PARD3: variants seen among roughly 807,000 people sequenced by gnomAD.
PARD3 encodes par-3 family cell polarity regulator.
PARD3 carries 75 observed loss-of-function variants against 155.4 expected under a neutral mutation model. The observed-to-expected ratio is 0.48, with a 90% CI of 0.40 to 0.58. The LOEUF is 0.58. Among genes scored for constraint, PARD3 ranks in the 20% least tolerant of loss-of-function variants. PARD3 has a pLI of 0.00. For missense variants in PARD3, 1,642 were observed against 1,721.7 expected (o/e 0.95, Z 0.82); for synonymous variants, 576 against 610.5 (o/e 0.94, Z 0.83).
intron 1 of PARD3, among the ~76,000 whole-genome samples, chr10:34,774,026 A>C (rs919974965): frequency 6.6e-6 from 1 of 152,238 alleles, no homozygotes; most frequent in African/African-American, 2.4e-5. Flanking sequence ...TACTAAACAC[A>C]GTCCACATTT....
At chr10:34,744,521 C>T (rs1835061076) in intron 1 of PARD3, among the ~76,000 whole-genome samples, 1 of 152,222 alleles carries the variant, frequency 6.6e-6, no homozygotes, top group Admixed American at 6.5e-5. Flanking sequence ...TGCCCAGCAA[C>T]TAAGTGAGCA....
At chr10:34,688,317 T>C (rs1393766934) in intron 2 of PARD3, among the ~76,000 whole-genome samples, 3 of 152,244 alleles carry the variant, frequency 2.0e-5, no homozygotes, top group Non-Finnish European at 4.4e-5. Flanking sequence ...CTAGGCCCAC[T>C]GTTGAGAACG....
intron 2 of PARD3, among the ~76,000 whole-genome samples, chr10:34,668,727 C>T (rs1479030642): frequency 6.6e-6 from 1 of 152,134 alleles, no homozygotes; most frequent in Non-Finnish European, 1.5e-5. Context: ...AATCACAGTA[C>T]TTTTGGATGC....
chr10:34,674,276 C>T (rs2093661526), intron 2 of PARD3, among the ~76,000 whole-genome samples: 1 of 152,138 alleles, frequency 6.6e-6, no homozygotes, highest in Non-Finnish European at 1.5e-5. Flanking sequence ...AAAGTTACCA[C>T]CTTTTTCTAG....
intron 2 of PARD3, among the ~76,000 whole-genome samples, chr10:34,598,778 G>T (rs576995970): frequency 6.6e-6 from 1 of 152,144 alleles, no homozygotes; most frequent in Non-Finnish European, 1.5e-5. Context: ...TCTAACACAG[G>T]AGACAATGCT....
At chr10:34,710,203 CAATT>C (rs2094431004) in intron 1 of PARD3, among the ~76,000 whole-genome samples, 1 of 152,140 alleles carries the variant, frequency 6.6e-6, no homozygotes. Context: ...CACATTCAAT[CAATT>C]AAACACAACA....
chr10:34,769,791 C>CA (rs1315957949), intron 1 of PARD3, among the ~76,000 whole-genome samples: 549 of 27,520 alleles, frequency 0.02, 1 homozygote, highest in African/African-American at 0.048. Flanking sequence ...AACAAACGAA[C>CA]AAAAAAACAA....
chr10:34,785,359 T>C (rs1367312878), intron 1 of PARD3, among the ~76,000 whole-genome samples: 1 of 152,234 alleles, frequency 6.6e-6, no homozygotes, highest in Non-Finnish European at 1.5e-5. Context: ...CAATTTTATA[T>C]CCTTAATTTT....
chr10:34,568,302 T>A (rs1365011154), intron 2 of PARD3, among the ~76,000 whole-genome samples: 3 of 152,240 alleles, frequency 2.0e-5, no homozygotes, highest in Admixed American at 1.3e-4. Context: ...CACAGGTTTA[T>A]ATTCAACAAG....
intron 22 of PARD3, among the ~76,000 whole-genome samples, chr10:34,232,747 C>T (rs923994851): frequency 2.6e-5 from 4 of 152,066 alleles, no homozygotes; most frequent in Admixed American, 6.5e-5. Context: ...ATTGCCCAAG[C>T]GGGAGTGCAA....
chr10:34,753,606 G>A (rs1344743719), intron 1 of PARD3, among the ~76,000 whole-genome samples: 1 of 152,184 alleles, frequency 6.6e-6, no homozygotes, highest in Non-Finnish European at 1.5e-5. Context: ...TAAATATTTA[G>A]CCTACTTATT....
At chr10:34,459,451 G>T (rs1321945544) in intron 4 of PARD3, among the ~76,000 whole-genome samples, 1 of 152,116 alleles carries the variant, frequency 6.6e-6, no homozygotes, top group Admixed American at 6.5e-5. Context: ...GATTACAGGC[G>T]TGAGCCACCA....
chr10:34,630,971 C>T (rs933798766), intron 2 of PARD3, among the ~76,000 whole-genome samples: 1 of 151,912 alleles, frequency 6.6e-6, no homozygotes, highest in Admixed American at 6.6e-5. Context: ...CATGCCACCA[C>T]GCCTGGATAA....
At chr10:34,399,229 T>A in intron 7 of PARD3, 101 bp downstream of exon 7, 1 of 774,032 alleles carries the variant, frequency 1.3e-6, no homozygotes, top group Non-Finnish European at 2.3e-6. Context: ...GAATGTTTCC[T>A]ATTAAGCATA....
At chr10:34,732,309 G>A (rs1264994428) in intron 1 of PARD3, among the ~76,000 whole-genome samples, 1 of 152,220 alleles carries the variant, frequency 6.6e-6, no homozygotes, top group Admixed American at 6.5e-5. Context: ...TCTAGGGTAG[G>A]AGGCCTGAAG....
intron 2 of PARD3, among the ~76,000 whole-genome samples, chr10:34,667,028 C>T (rs562582932): frequency 4.0e-5 from 6 of 151,780 alleles, no homozygotes; most frequent in African/African-American, 9.7e-5. Context: ...AATTAGCCGA[C>T]GTGGTGGCGC....
chr10:34,175,858 T>C (rs536159857), intron 22 of PARD3, among the ~76,000 whole-genome samples: 2 of 152,308 alleles, frequency 1.3e-5, no homozygotes, highest in African/African-American at 4.8e-5. Context: ...TCAAACCCCC[T>C]TATATTGCTA....
chr10:34,238,214 T>C (rs1482945309), intron 22 of PARD3, among the ~76,000 whole-genome samples: 1 of 152,212 alleles, frequency 6.6e-6, no homozygotes, highest in Non-Finnish European at 1.5e-5. Context: ...TCAGCAGCTG[T>C]CTTTCCTGAT....
At chr10:34,425,935 T>C (rs760662579) in intron 5 of PARD3, among the ~76,000 whole-genome samples, 1 of 152,174 alleles carries the variant, frequency 6.6e-6, no homozygotes, top group Non-Finnish European at 1.5e-5. Context: ...TATTACTTCA[T>C]CATAAACACA....
Sources: gnomAD v4.1 joint callset for allele counts (sites outside exome capture counted in the v4.1 genomes callset) on GRCh38, gnomAD v4.1.1 for gene constraint, MANE v1.5 for transcripts, NCBI Gene and HGNC (gene_info 2026-07-23, HGNC 2026-07-21) for gene names.